Variants in TMEM132D observed in about 807,000 individuals in gnomAD.
The protein encoded by TMEM132D is mature OL transmembrane protein.
Under a neutral mutation model 62.3 loss-of-function variants are expected in TMEM132D, and 21 were observed. That is an observed-to-expected ratio of 0.34 (90% CI 0.24 to 0.49). TMEM132D has a LOEUF of 0.49. TMEM132D is among the 20% of genes least tolerant of loss of function. The pLI is 0.99. For missense variants in TMEM132D, 1,346 were observed against 1,402.8 expected (o/e 0.96, Z 0.65); for synonymous variants, 621 against 575.6 (o/e 1.08, Z -1.13).
At chr12:129,901,807 T>G (rs747924186) in intron 1 of TMEM132D, among the ~76,000 whole-genome samples, 9 of 152,276 alleles carry the variant, frequency 5.9e-5, no homozygotes, top group Non-Finnish European at 1.2e-4. Context: ...AACCTTGTTA[T>G]TGCAGCATAA....
intron 4 of TMEM132D, among the ~76,000 whole-genome samples, chr12:129,259,394 G>A (rs1372509705): frequency 6.6e-6 from 1 of 152,122 alleles, no homozygotes; most frequent in Non-Finnish European, 1.5e-5. Context: ...GAACCCACTG[G>A]TTACTGCAAA....
At chr12:129,758,220 T>A (rs559874580) in intron 1 of TMEM132D, among the ~76,000 whole-genome samples, 5 of 152,144 alleles carry the variant, frequency 3.3e-5, no homozygotes, top group Non-Finnish European at 5.9e-5. Flanking sequence ...TTATTTTATT[T>A]TTTTTAAGTG....
chr12:129,300,635 T>C (rs1881690683), intron 4 of TMEM132D, among the ~76,000 whole-genome samples: 1 of 152,202 alleles, frequency 6.6e-6, no homozygotes, highest in African/African-American at 2.4e-5. Context: ...TTTTTCTTTT[T>C]CCTGTCAATG....
chr12:129,349,348 A>C (rs2135666943), intron 3 of TMEM132D, among the ~76,000 whole-genome samples: 1 of 152,312 alleles, frequency 6.6e-6, no homozygotes, highest in South Asian at 2.1e-4. Context: ...ATCCATATTT[A>C]AAAGATGAGG....
intron 3 of TMEM132D, among the ~76,000 whole-genome samples, chr12:129,500,167 C>T (rs1346014294): frequency 2.7e-5 from 4 of 148,760 alleles, no homozygotes; most frequent in African/African-American, 7.5e-5. Flanking sequence ...GGCAATTCAC[C>T]GGACCTCATC....
chr12:129,399,490 T>C (rs1016823906), intron 3 of TMEM132D, among the ~76,000 whole-genome samples: 1 of 152,214 alleles, frequency 6.6e-6, no homozygotes, highest in Non-Finnish European at 1.5e-5. Context: ...CCACTTGTGA[T>C]GGCAGAGCCC....
chr12:129,439,873 C>T (rs2135720543), intron 3 of TMEM132D, among the ~76,000 whole-genome samples: 1 of 152,236 alleles, frequency 6.6e-6, no homozygotes, highest in South Asian at 2.1e-4. Context: ...GTGTGCTTTG[C>T]TTTAATCCAT....
chr12:129,745,311 A>G (rs1379421192), intron 1 of TMEM132D, among the ~76,000 whole-genome samples: 2 of 152,218 alleles, frequency 1.3e-5, no homozygotes. Context: ...GCTCATTTTT[A>G]GAATATTTGC....
chr12:129,723,806 T>A (rs1179696350), intron 1 of TMEM132D, among the ~76,000 whole-genome samples: 2 of 152,216 alleles, frequency 1.3e-5, no homozygotes, highest in African/African-American at 4.8e-5. Context: ...GCCAGCACAA[T>A]GGAGTTACCA....
chr12:129,558,041 G>A, intron 2 of TMEM132D, among the ~76,000 whole-genome samples: 1 of 152,094 alleles, frequency 6.6e-6, no homozygotes, highest in East Asian at 1.9e-4. Context: ...TCAGGAATGG[G>A]GTTACATAGT....
At chr12:129,483,598 T>C (rs2172325) in intron 3 of TMEM132D, among the ~76,000 whole-genome samples, 87,633 of 152,156 alleles carry the variant, frequency 0.58, 26,672 homozygotes, top group African/African-American at 0.79. Flanking sequence ...CCAGTTAATC[T>C]GAATATTCGG....
chr12:129,801,249 C>T (rs1871769518), intron 1 of TMEM132D, among the ~76,000 whole-genome samples: 1 of 152,216 alleles, frequency 6.6e-6, no homozygotes, highest in Non-Finnish European at 1.5e-5. Flanking sequence ...CCTCTGTAGG[C>T]TCCACCTCTG....
intron 2 of TMEM132D, among the ~76,000 whole-genome samples, chr12:129,605,606 C>CAT (rs1878601036): frequency 2.6e-5 from 1 of 39,032 alleles, no homozygotes; most frequent in African/African-American, 9.4e-5. Context: ...TATATATATA[C>CAT]ACACACATAT....
rs1593051297 is a variant in TMEM132D, at chr12:129,526,126, T to C, written c.1115+4933A>G. Among the ~76,000 whole-genome samples the C allele has an allele frequency of 2.0e-5, 3 of 152,318 alleles. No homozygotes were observed. In the South Asian group the frequency reaches 6.2e-4, roughly 32 times the overall value. ...TAATGTGAGTTTCCCCACCCTATTA[T>C]ATTGTACTGCAAATTTCTAAGGGAT... On this transcript the variant is annotated intron_variant, in intron 3 of 8. Coordinates refer to ENST00000422113, the MANE Select transcript of TMEM132D (RefSeq NM_133448.3).
chr12:129,086,235 G>GTGTT (rs1565958945), intron 5 of TMEM132D, among the ~76,000 whole-genome samples: 1 of 127,078 alleles, frequency 7.9e-6, no homozygotes, highest in East Asian at 2.3e-4. Context: ...TGTGTGTTGT[G>GTGTT]GTGAGGACAT....
intron 2 of TMEM132D, among the ~76,000 whole-genome samples, chr12:129,630,649 C>G (rs1293351565): frequency 6.6e-6 from 1 of 152,098 alleles, no homozygotes; most frequent in African/African-American, 2.4e-5. Context: ...GATATTTATT[C>G]AATACTTATG....
At position 129,295,152 on chromosome 12, in the gene TMEM132D, G is replaced by T. The variant is rs1881537836; in HGVS notation, c.1299+42482C>A. ...AGCAGACTGCCTTTGCATGTTACCTGCAACACTGATTCTTTGTAGTTCCAC... is the reference window on the plus strand; with the variant it reads ...AGCAGACTGCCTTTGCATGTTACCTTCAACACTGATTCTTTGTAGTTCCAC... On this transcript the variant is annotated intron_variant, in intron 4 of 8. Transcript: ENST00000422113. Among the ~76,000 whole-genome samples the T allele has an allele frequency of 3.9e-5, 6 of 152,308 alleles. No homozygotes were observed. In the South Asian group the frequency reaches 1.2e-3, roughly 32 times the overall value.
chr12:129,889,690 G>A (rs896719572), intron 1 of TMEM132D, among the ~76,000 whole-genome samples: 7 of 152,156 alleles, frequency 4.6e-5, no homozygotes, highest in South Asian at 2.1e-4. Flanking sequence ...TCCTTGTAAC[G>A]GAAGATCTGC....
chr12:129,903,510 C>T lies in TMEM132D; in HGVS notation c.-171G>A. On this transcript the variant is annotated 5_prime_UTR_variant, in exon 1 of 9. Transcript: ENST00000422113. This position sits in a 1 kb window ranked among gnomAD's most constrained non-coding sequence, Gnocchi z 6.2. ...CTCTTCCCGCCAGTCCATGGCCAGG[C>T]CGGGAGGCGACGACCGCGCGGGCTC... is the stretch of plus-strand genomic sequence containing the variant. 1 of 657,472 alleles carries T rather than the reference C, an allele frequency of 1.5e-6. No homozygotes were observed. The allele number at this position is 657,472 out of a possible 1,614,324, so 40.7% of individuals were successfully genotyped here. A position where few individuals can be genotyped will look rare whatever the true frequency, so the allele number is the denominator to read the frequency against.
Sources: allele counts gnomAD v4.1 joint callset (sites outside exome capture counted in the v4.1 genomes callset), GRCh38; gene constraint gnomAD v4.1.1; non-coding constraint Gnocchi (gnomAD v3.1); transcripts MANE v1.5; gene names NCBI Gene and HGNC (gene_info 2026-07-23, HGNC 2026-07-21).